The following LRRK1 variants were observed in gnomAD, a reference collection of about 807,000 sequenced individuals.
LRRK1 encodes leucine-rich repeat serine/threonine-protein kinase 1.
In LRRK1, 113 loss-of-function variants were observed where a neutral mutation model predicts 209.1. The observed-to-expected ratio is 0.54, with a 90% confidence interval of 0.46 to 0.63. LRRK1 has a LOEUF of 0.63. Ranked by LOEUF, LRRK1 falls within the 30% of genes least tolerant of loss-of-function variation. The probability of loss-of-function intolerance (pLI) is 0.00; values close to 1 mark genes in which losing one functional copy is unlikely to be tolerated. For synonymous variants in LRRK1, 1,144 were observed against 1,099.7 expected (o/e 1.04, Z -0.80); for missense variants, 2,284 against 2,632.2 (o/e 0.87, Z 2.89).
At chr15:100,956,455 C>CTTTTCTTT (rs2042760510) in intron 2 of LRRK1, among the ~76,000 whole-genome samples, 1 of 60,534 alleles carries the variant, frequency 1.7e-5, no homozygotes, top group African/African-American at 8.5e-5. Flanking sequence ...TTTTTTTTTT[C>CTTTTCTTT]TTTTTTTTTT....
chr15:101,053,619 G>C (rs898766975), intron 26 of LRRK1, among the ~76,000 whole-genome samples, 199 bp downstream of exon 26: 1 of 152,154 alleles, frequency 6.6e-6, no homozygotes, highest in Admixed American at 6.5e-5. Context: ...TGGCGAGGAC[G>C]GGGGAGCGCA....
Position 101,014,381 on chromosome 15 carries a change from C to A in LRRK1, c.1485C>A (p.Thr495=). The change falls in exon 11 of 34, where the codon ACC becomes ACA. Residue 495 remains threonine (T), a synonymous_variant. Transcript: ENST00000388948. ...LAALPPQEKW[T]CRQLKTLDLS... is the part of the protein sequence containing the mutation. ...CACTTCCACCTCAAGAGAAGTGGAC[C>A]TGCAGGCAGCTCAAAACCCTGGATC... 5 of 1,613,984 alleles carry A rather than the reference C, an allele frequency of 3.1e-6. No individual in the cohort carries two copies. Among genetic ancestry groups the A allele is most frequent in the Non-Finnish European group, 1.7e-6 (2 of 1,179,946 alleles).
At position 101,015,638 on chromosome 15, in the gene LRRK1, G is replaced by C. The variant is rs896525106; in HGVS notation, c.1609+236G>C. 1.1e-4 allele frequency among the ~76,000 whole-genome samples: 16 copies of C among 148,662 alleles called. 1 individual carries two copies. The South Asian group carries it at 2.6e-3, about 24-fold the overall frequency. On this transcript the variant is annotated intron_variant, in intron 12 of 33. Transcript: ENST00000388948. ...CCCACTCTCCTGCGTGGAGGCCAGTGATGCCAGCAGCTAATATGTGCAGCT... is the reference window on the plus strand; with the variant it reads ...CCCACTCTCCTGCGTGGAGGCCAGTCATGCCAGCAGCTAATATGTGCAGCT...
chr15:100,930,742 C>T (rs2042196736), intron 2 of LRRK1, among the ~76,000 whole-genome samples: 1 of 152,194 alleles, frequency 6.6e-6, no homozygotes, highest in Non-Finnish European at 1.5e-5. Context: ...TGTGGGCCTC[C>T]CCAGGCCCCT....
intron 2 of LRRK1, among the ~76,000 whole-genome samples, chr15:100,928,369 G>A (rs1291087253): frequency 1.3e-5 from 2 of 152,132 alleles, no homozygotes; most frequent in Non-Finnish European, 2.9e-5. Context: ...AGCTGGATTT[G>A]TCCCATCCCA....
chr15:101,064,741 C>T (rs1204812277), intron 31 of LRRK1: 1 of 152,938 alleles, frequency 6.5e-6, no homozygotes, highest in Non-Finnish European at 1.4e-5. Flanking sequence ...AAACACATGT[C>T]ATCCACTTGG....
Position 101,077,851 on chromosome 15 carries a change from G to A in LRRK1, c.*9003G>A, listed in dbSNP as rs1370110487. 2.0e-5 allele frequency: 3 copies of A among 152,134 alleles called. No homozygotes were observed. Among genetic ancestry groups the A allele is most frequent in the East Asian group, 3.8e-4 (2 of 5,198 alleles). The allele number at this position is 152,134 out of a possible 1,614,324, so 9.4% of individuals were successfully genotyped here. On this transcript the variant is annotated 3_prime_UTR_variant, in exon 34 of 34. Coordinates refer to ENST00000388948, the MANE Select transcript of LRRK1 (RefSeq NM_024652.6). ...AAGAAGGCAGGAATGTCAGGCCTCTGAGCCCAAGCTAAGCCATCGCATCCC... is the reference window on the plus strand; with the variant it reads ...AAGAAGGCAGGAATGTCAGGCCTCTAAGCCCAAGCTAAGCCATCGCATCCC...
intron 2 of LRRK1, among the ~76,000 whole-genome samples, chr15:100,934,083 A>G (rs2042253532): frequency 6.6e-6 from 1 of 152,038 alleles, no homozygotes. Context: ...TTATTTATTT[A>G]AGATGTCAAA....
chr15:101,022,766 C>T lies in LRRK1; in HGVS notation c.2067+169C>T, dbSNP rs1286769644. Reference sequence around the variant, plus strand: ...CCATACCAGCTTCTGCCAAGAGCAGCGAATCATTTCTTAATGTGACTTTGT... The same window carrying T: ...CCATACCAGCTTCTGCCAAGAGCAGTGAATCATTTCTTAATGTGACTTTGT... On this transcript the variant is annotated intron_variant, in intron 15 of 33. Coordinates refer to ENST00000388948, the MANE Select transcript of LRRK1 (RefSeq NM_024652.6). The surrounding 1 kb of genome is among the most constrained non-coding windows in gnomAD (Gnocchi z 4.0). Among the ~76,000 whole-genome samples, 3 of 152,160 alleles carry T rather than the reference C, an allele frequency of 2.0e-5. No individual in the cohort carries two copies. The highest frequency in any genetic ancestry group is 2.9e-5 in the Non-Finnish European group (2 of 68,028).
At position 101,027,178 on chromosome 15, in the gene LRRK1, C is replaced by T. The variant is rs372415754; in HGVS notation, c.2406-83C>T. 1,873 of 1,564,334 alleles carry T rather than the reference C, an allele frequency of 1.2e-3. 25 individuals carry two copies. The South Asian group carries it at 0.02, about 17-fold the overall frequency. On this transcript the variant is annotated intron_variant, in intron 17 of 33. Transcript: ENST00000388948. This position sits in a 1 kb window ranked among gnomAD's most constrained non-coding sequence, Gnocchi z 5.1. ...TCTCCAGACTTGCCAGCGTTCAGGACAAACCTCTCAGGGAAACAGAGAAGC... is the reference window on the plus strand; with the variant it reads ...TCTCCAGACTTGCCAGCGTTCAGGATAAACCTCTCAGGGAAACAGAGAAGC...
intron 20 of LRRK1, among the ~76,000 whole-genome samples, chr15:101,040,230 C>G (rs578040511): frequency 1.2e-4 from 18 of 151,932 alleles, no homozygotes; most frequent in African/African-American, 4.3e-4. Context: ...TATTTATTAG[C>G]TATAGGGTTA....
In LRRK1 at chr15:101,053,357, T is replaced by TGCTTCGCCCTGGAGCTC; in HGVS notation, c.3994_4010dup (p.Pro1338SerfsTer35). On this transcript the variant is annotated frameshift_variant, in exon 26 of 34. Coordinates refer to ENST00000388948, the MANE Select transcript of LRRK1 (RefSeq NM_024652.6). LOFTEE classifies it high-confidence loss of function. ...CATCGGCATCAGCATCCACCCGCTCTGCTTCGCCCTGGAGCTCGCGCCGCT... is the reference window on the plus strand; with the variant it reads ...CATCGGCATCAGCATCCACCCGCTCTGCTTCGCCCTGGAGCTCGCTTCGCCCTGGAGCTCGCGCCGCT... 1 of 1,602,448 alleles carries TGCTTCGCCCTGGAGCTC rather than the reference T, an allele frequency of 6.2e-7. No individual in the cohort carries two copies. Among genetic ancestry groups the TGCTTCGCCCTGGAGCTC allele is most frequent in the Non-Finnish European group, 8.5e-7 (1 of 1,179,880 alleles).
At chr15:100,938,325 G>A (rs2042339601) in intron 2 of LRRK1, among the ~76,000 whole-genome samples, 1 of 151,948 alleles carries the variant, frequency 6.6e-6, no homozygotes, top group South Asian at 2.1e-4. Flanking sequence ...AATTGTGCTT[G>A]TCTATGGGAT....
chr15:101,010,805 A>G lies in LRRK1; in HGVS notation c.1249A>G (p.Lys417Glu). The G allele has an allele frequency of 6.2e-7, 1 of 1,613,998 alleles. No homozygotes were observed. The highest frequency in any genetic ancestry group is 8.5e-7 in the Non-Finnish European group (1 of 1,179,978). ...NSLNVSRNNL[K>E]VFPDPWACPL... is the part of the protein sequence containing the mutation. ...TCTGAATGTCTCCAGAAACAACCTG[A>G]AGGTGTTTCCAGATCCCTGGGCCTG... The change falls in exon 9 of 34, where the codon AAG (lysine) becomes GAG (glutamate). Residue 417 changes from lysine (K) to glutamate (E), a missense_variant. Around this residue, in one of 6 missense-constraint regions of LRRK1, gnomAD observed 494 missense variants for 522.1 expected, o/e 0.95. Transcript: ENST00000388948.
At position 101,075,198 on chromosome 15, in the gene LRRK1, G is replaced by T. The variant is rs546789225; in HGVS notation, c.*6350G>T. 4.5e-4 allele frequency: 20 copies of T among 44,292 alleles called. 3 individuals carry two copies. The East Asian group carries it at 9.0e-3, about 20-fold the overall frequency. 2.7% of individuals were successfully genotyped at this position (44,292 alleles called of 1,614,324 possible). A position where few individuals can be genotyped will look rare whatever the true frequency, so the allele number is the denominator to read the frequency against. On this transcript the variant is annotated 3_prime_UTR_variant, in exon 34 of 34. Coordinates refer to ENST00000388948, the MANE Select transcript of LRRK1 (RefSeq NM_024652.6). ...TAACTGTTGTGCGTATTGACAGCCA[G>T]GCTTCTAAACCTCTTAAAACTCCCC...
Position 101,056,960 on chromosome 15 carries a change from C to T in LRRK1, c.4437C>T (p.Gly1479=). ...AGATTGCCAAGAAGCTGTCCAAGGG[C>T]ATCCGCCCGGTTCTGGGGCAGCCGG... ...QLQIAKKLSK[G]IRPVLGQPEE... The change falls in exon 28 of 34, where the codon GGC becomes GGT. Residue 1479 remains glycine (G), a synonymous_variant. Transcript: ENST00000388948. 3 of 1,614,194 alleles carry T rather than the reference C, an allele frequency of 1.9e-6. No homozygotes were observed. In the East Asian group the frequency reaches 6.7e-5, roughly 36 times the overall value.
At chr15:100,979,775 A>C (rs975051510) in intron 3 of LRRK1, among the ~76,000 whole-genome samples, 1 of 152,244 alleles carries the variant, frequency 6.6e-6, no homozygotes, top group African/African-American at 2.4e-5. Context: ...AGATATGTGA[A>C]GAGACATTTC....
chr15:100,990,986 C>G lies in LRRK1; in HGVS notation c.762+1588C>G, dbSNP rs571917532. Among the ~76,000 whole-genome samples the G allele has an allele frequency of 4.6e-5, 7 of 152,186 alleles. No homozygotes were observed. The South Asian group carries it at 1.5e-3, about 32-fold the overall frequency. ...TTTTACATTTTAAGCTTTAACCTTT[C>G]TGGTATTTATTTGTGTGTATTGTAT... On this transcript the variant is annotated intron_variant, in intron 6 of 33. Coordinates refer to ENST00000388948, the MANE Select transcript of LRRK1 (RefSeq NM_024652.6).
chr15:100,932,149 C>A (rs2042224174), intron 2 of LRRK1, among the ~76,000 whole-genome samples: 1 of 152,114 alleles, frequency 6.6e-6, no homozygotes, highest in Non-Finnish European at 1.5e-5. Flanking sequence ...CCACGCCCAG[C>A]AAATTTTTGT....
Sources: gnomAD v4.1 joint callset for allele counts (sites outside exome capture counted in the v4.1 genomes callset) on GRCh38, gnomAD v4.1.1 for gene constraint, gnomAD v4.1.1 regional missense constraint, Gnocchi (gnomAD v3.1) non-coding constraint, MANE v1.5 for transcripts, NCBI Gene and HGNC (gene_info 2026-07-23, HGNC 2026-07-21) for gene names.